NADSYN1: variants seen among roughly 807,000 people sequenced by gnomAD.
NADSYN1 encodes glutamine-dependent NAD(+) synthetase.
NADSYN1 carries 80 observed loss-of-function variants against 99.3 expected under a neutral mutation model. The observed-to-expected ratio is 0.81, with a 90% CI of 0.67 to 0.97. NADSYN1 has a LOEUF of 0.97. NADSYN1 is among the 50% of genes least tolerant of loss of function. NADSYN1 has a pLI of 0.00. For synonymous variants in NADSYN1, 385 were observed against 372.1 expected (o/e 1.03, Z -0.40); for missense variants, 859 against 948.5 (o/e 0.91, Z 1.24).
intron 9 of NADSYN1, chr11:71,477,385 G>C: frequency 7.8e-7 from 1 of 1,289,796 alleles, no homozygotes; most frequent in Non-Finnish European, 1.0e-6. Context: ...AGCAGCCAGA[G>C]AACCACAGGA....
chr11:71,473,517 CTGGTT>C, intron 7 of NADSYN1, 47 bp from the exon 8 acceptor site: 10 of 1,558,878 alleles, frequency 6.4e-6, no homozygotes, highest in Non-Finnish European at 8.8e-6. Flanking sequence ...GCCAGGGAGG[CTGGTT>C]TGGAGGAGTC....
At position 71,463,468 on chromosome 11, in the gene NADSYN1, A is replaced by G. The variant is rs374628000; in HGVS notation, c.300A>G (p.Arg100=). The G allele has an allele frequency of 1.2e-6, 2 of 1,613,690 alleles. No individual in the cohort carries two copies. Among genetic ancestry groups the G allele is most frequent in the African/African-American group, 2.7e-5 (2 of 74,824 alleles). ...VMHRNVRYNC[R]VIFLNRKILL... Reference sequence around the variant, plus strand: ...ACCGAAACGTCCGCTACAACTGCAGAGTGATATTCCTCAACAGGTAGGCCC... The same window carrying G: ...ACCGAAACGTCCGCTACAACTGCAGGGTGATATTCCTCAACAGGTAGGCCC... Residue 100 remains arginine, a synonymous_variant, in exon 4 of 21, where the codon AGA becomes AGG. Coordinates refer to ENST00000319023, the MANE Select transcript of NADSYN1 (RefSeq NM_018161.5).
chr11:71,478,041 TACTG>T (rs1490141399), intron 9 of NADSYN1, among the ~76,000 whole-genome samples: 1 of 152,022 alleles, frequency 6.6e-6, no homozygotes, highest in African/African-American at 2.4e-5. Context: ...GGGTGTGTCT[TACTG>T]ACATGGGGGT....
intron 3 of NADSYN1, 49 bp from the exon 4 acceptor site, chr11:71,463,366 CTGCCTCCATGTGCTCTG>C: frequency 1.4e-6 from 2 of 1,409,938 alleles, no homozygotes; most frequent in Admixed American, 3.4e-5. Context: ...GCTGCAGCCG[CTGCCTCCATGTGCTCTG>C]TGTTTCATAA....
rs150737265 is a variant in NADSYN1, at chr11:71,458,429, G to T, written c.148G>T (p.Gly50Cys). The change falls in exon 3 of 21, where the codon GGC becomes TGC. Residue 50 changes from glycine to cysteine, a missense_variant and splice_region_variant. Physicochemically the swap from Gly to Cys is radical, Grantham distance 159. Coordinates refer to ENST00000319023, the MANE Select transcript of NADSYN1 (RefSeq NM_018161.5). ...CTCACCTTCTCACTGTCTCTGCAGC[G>T]GCTACGGATGTTGGGATCATTATTA... ...YRLGPELEIC[G>C]YGCWDHYYES... 14 of 1,612,486 alleles carry T rather than the reference G, an allele frequency of 8.7e-6. No individual in the cohort carries two copies. The highest frequency in any genetic ancestry group is 1.2e-5 in the Non-Finnish European group (14 of 1,178,524).
intron 10 of NADSYN1, chr11:71,478,677 C>T (rs1949685769): frequency 1.8e-6 from 1 of 550,202 alleles, no homozygotes; most frequent in Non-Finnish European, 3.3e-6. Context: ...TTGGGCCAGG[C>T]CCTGAGCTGG....
In NADSYN1 at chr11:71,481,989, A is replaced by G. The variant is rs572279949; in HGVS notation, c.1114A>G (p.Met372Val). Residue 372 changes from methionine (M) to valine (V), a missense_variant, in exon 13 of 21, where the codon ATG becomes GTG. Coordinates refer to ENST00000319023, the MANE Select transcript of NADSYN1 (RefSeq NM_018161.5). ...SAATACLIYSMCCQVCEAVRS... is the reference protein window; with the variant it reads ...SAATACLIYSVCCQVCEAVRS... ...AGCCACCGCCTGCCTCATCTACTCC[A>G]TGTGCTGCCAGGTCTGCGAGGCCGT... 7 of 1,612,406 alleles carry G rather than the reference A, an allele frequency of 4.3e-6. No homozygotes were observed. The South Asian group carries it at 5.5e-5, about 13-fold the overall frequency.
At chr11:71,495,679 A>G (rs1332932801) in intron 18 of NADSYN1, among the ~76,000 whole-genome samples, 2 of 152,226 alleles carry the variant, frequency 1.3e-5, no homozygotes, top group Non-Finnish European at 2.9e-5. Context: ...GAAAATGCTC[A>G]CTTCATGGGA....
chr11:71,492,044 T>A (rs756104397), intron 18 of NADSYN1, 141 bp downstream of exon 18: 1 of 679,462 alleles, frequency 1.5e-6, no homozygotes, highest in Non-Finnish European at 2.5e-6. Context: ...TGCCCAGGGC[T>A]CAGTGTCAGT....
At chr11:71,497,693 A>G in intron 19 of NADSYN1, 82 bp downstream of exon 19, 1 of 1,559,932 alleles carries the variant, frequency 6.4e-7, no homozygotes, top group African/African-American at 1.4e-5. Context: ...CTGTAGGAAC[A>G]AGTAGATAAC....
intron 18 of NADSYN1, among the ~76,000 whole-genome samples, chr11:71,492,657 T>C (rs545775488): frequency 2.6e-5 from 4 of 152,300 alleles, no homozygotes; most frequent in African/African-American, 7.2e-5. Flanking sequence ...CTGATTATTA[T>C]AACTCTGTAG....
rs139078114 is a variant in NADSYN1, at chr11:71,484,913, G to A, written c.1455+466G>A. On this transcript the variant is annotated intron_variant, in intron 15 of 20. Coordinates refer to ENST00000319023, the MANE Select transcript of NADSYN1 (RefSeq NM_018161.5). ...TGTGGATGTGTGAGTGTGCACAAAC[G>A]TGAGTGCACAGTTGTGTGCATGAGT... The A allele has an allele frequency of 1.7e-3, 326 of 196,388 alleles. 1 individual carries two copies. Among genetic ancestry groups the A allele is most frequent in the African/African-American group, 7.0e-3 (308 of 43,994 alleles). 12.2% of individuals were successfully genotyped at this position (196,388 alleles called of 1,614,324 possible). A position where few individuals can be genotyped will look rare whatever the true frequency, so the allele number is the denominator to read the frequency against.
At position 71,488,195 on chromosome 11, in the gene NADSYN1, C is replaced by G. The variant is rs1049714896; in HGVS notation, c.1562+2547C>G. Among the ~76,000 whole-genome samples the G allele has an allele frequency of 2.0e-5, 3 of 152,076 alleles. No homozygotes were observed. In the East Asian group the frequency reaches 5.8e-4, roughly 29 times the overall value. The stretch of plus-strand genomic sequence containing the variant: ...CCTGTCCTCCCTCAGGCTTTCTTCC[C>G]GGTGGTGTGAATGAGTCAGAAACAA... On this transcript the variant is annotated intron_variant, in intron 16 of 20. Coordinates refer to ENST00000319023, the MANE Select transcript of NADSYN1 (RefSeq NM_018161.5).
chr11:71,501,271 G>T, intron 20 of NADSYN1, 31 bp from the exon 21 acceptor site: 2 of 1,529,902 alleles, frequency 1.3e-6, no homozygotes. Flanking sequence ...CGTCTTTGCG[G>T]GGCTGTGGTG....
chr11:71,491,493 T>G lies in NADSYN1; in HGVS notation c.1695-341T>G, dbSNP rs189096416. Among the ~76,000 whole-genome samples the G allele has an allele frequency of 2.2e-3, 331 of 152,200 alleles. 1 individual carries two copies. Among genetic ancestry groups the G allele is most frequent in the African/African-American group, 7.5e-3 (313 of 41,512 alleles). On this transcript the variant is annotated intron_variant, in intron 17 of 20. Transcript: ENST00000319023. ...GGTGTTAGCAGGTAGAGGCCAGGGG[T>G]GCTCCTCAATGTGGCGCAGTGCACA...
chr11:71,457,922 C>T (rs1022769182), intron 2 of NADSYN1, among the ~76,000 whole-genome samples: 1 of 152,186 alleles, frequency 6.6e-6, no homozygotes, highest in Non-Finnish European at 1.5e-5. Flanking sequence ...AGGTCACCTT[C>T]GCAGGTTTCT....
chr11:71,489,214 G>A (rs979138648), intron 16 of NADSYN1, among the ~76,000 whole-genome samples: 2 of 152,140 alleles, frequency 1.3e-5, no homozygotes, highest in African/African-American at 4.8e-5. Flanking sequence ...CATGCAGAGT[G>A]CGAGAGGAGG....
intron 12 of NADSYN1, 106 bp from the exon 13 acceptor site, chr11:71,481,817 C>A: frequency 3.2e-6 from 3 of 929,390 alleles, no homozygotes; most frequent in Non-Finnish European, 5.0e-6. Context: ...CACCCACGTG[C>A]ATTTCTGTGG....
At chr11:71,501,020 G>A (rs1463095541) in intron 20 of NADSYN1, among the ~76,000 whole-genome samples, 1 of 152,136 alleles carries the variant, frequency 6.6e-6, no homozygotes, top group African/African-American at 2.4e-5. Flanking sequence ...TCAGGAAGGG[G>A]GTTCAGACAC....
Sources: allele counts gnomAD v4.1 joint callset (sites outside exome capture counted in the v4.1 genomes callset), GRCh38; gene constraint gnomAD v4.1.1; transcripts MANE v1.5; gene names NCBI Gene and HGNC (gene_info 2026-07-23, HGNC 2026-07-21).